Variants in TTLL5 observed in about 807,000 individuals in gnomAD.
TTLL5 encodes the protein tubulin polyglutamylase TTLL5.
Under a neutral mutation model 168.4 loss-of-function variants are expected in TTLL5, and 132 were observed. That is an observed-to-expected ratio of 0.78 (90% CI 0.68 to 0.91). TTLL5 has a LOEUF of 0.91. Ranked by LOEUF, TTLL5 falls within the 40% of genes least tolerant of loss-of-function variation. The pLI is 0.00. For missense variants in TTLL5, 1,545 were observed against 1,581.5 expected (o/e 0.98, Z 0.39); for synonymous variants, 546 against 558.6 (o/e 0.98, Z 0.32).
chr14:75,803,316 A>G (rs1893439668), intron 27 of TTLL5: 1 of 152,224 alleles, frequency 6.6e-6, no homozygotes, highest in African/African-American at 2.4e-5. Context: ...GGGACTCAGA[A>G]TTTACATTAG....
intron 6 of TTLL5, among the ~76,000 whole-genome samples, chr14:75,696,206 C>T (rs1478353737): frequency 6.6e-6 from 1 of 152,052 alleles, no homozygotes; most frequent in Non-Finnish European, 1.5e-5. Flanking sequence ...TGGTCGTTTC[C>T]TTAGACATTT....
chr14:75,754,212 T>G (rs969221855), intron 18 of TTLL5, among the ~76,000 whole-genome samples: 1 of 152,202 alleles, frequency 6.6e-6, no homozygotes, highest in Non-Finnish European at 1.5e-5. Flanking sequence ...AAGAACTATT[T>G]TTGCTTTTCG....
intron 27 of TTLL5, among the ~76,000 whole-genome samples, chr14:75,817,034 G>A (rs7150856): frequency 0.016 from 2,182 of 133,326 alleles, 73 homozygotes; most frequent in African/African-American, 0.057. Flanking sequence ...AGGCTGGAGT[G>A]CAGTGCGCTA....
chr14:75,827,531 A>C (rs1895249388), intron 28 of TTLL5, among the ~76,000 whole-genome samples: 1 of 152,192 alleles, frequency 6.6e-6, no homozygotes, highest in Middle Eastern at 3.4e-3. Flanking sequence ...TTGAAATGTC[A>C]CAACATATGG....
At chr14:75,950,917 A>G (rs1199343113) in intron 31 of TTLL5, among the ~76,000 whole-genome samples, 4 of 152,018 alleles carry the variant, frequency 2.6e-5, no homozygotes, top group Admixed American at 1.3e-4. Context: ...TCAGTAAGCT[A>G]TGATTATGCC....
At chr14:75,942,146 G>T (rs886363637) in intron 31 of TTLL5, among the ~76,000 whole-genome samples, 1 of 149,572 alleles carries the variant, frequency 6.7e-6, no homozygotes, top group African/African-American at 2.5e-5. Flanking sequence ...TCATGCCACT[G>T]CACTCCATCC....
At chr14:75,906,564 ATAC>A (rs2033155845) in intron 31 of TTLL5, 1 of 985,660 alleles carries the variant, frequency 1.0e-6, no homozygotes, top group Admixed American at 6.2e-5. Context: ...GGATCTTTGG[ATAC>A]TCCCCAAGTT....
chr14:75,689,965 C>A (rs1885329777), intron 5 of TTLL5: 1 of 430,352 alleles, frequency 2.3e-6, no homozygotes, highest in East Asian at 5.1e-5. Flanking sequence ...TTAAAAAGGG[C>A]AAATTTTACT....
chr14:75,798,293 C>T (rs1343090550), intron 27 of TTLL5, among the ~76,000 whole-genome samples: 1 of 151,960 alleles, frequency 6.6e-6, no homozygotes, highest in Non-Finnish European at 1.5e-5. Context: ...TGTACTATCT[C>T]TTGCTTCCCT....
intron 17 of TTLL5, among the ~76,000 whole-genome samples, chr14:75,752,038 G>A (rs983922617): frequency 1.3e-5 from 2 of 152,124 alleles, no homozygotes; most frequent in East Asian, 1.9e-4. Context: ...GTAAACTGTC[G>A]TGGTGCTGGT....
intron 5 of TTLL5, chr14:75,684,961 C>T (rs562521230): frequency 4.6e-5 from 7 of 152,234 alleles, no homozygotes; most frequent in African/African-American, 9.6e-5. Flanking sequence ...TCTGTACATA[C>T]GTTAACTTCA....
At chr14:75,705,855 G>GTT in intron 7 of TTLL5, among the ~76,000 whole-genome samples, 2 of 146,910 alleles carry the variant, frequency 1.4e-5, no homozygotes, top group African/African-American at 5.0e-5. Context: ...ACATGTGAAG[G>GTT]TTTTTTTTTT....
At chr14:75,860,236 C>G (rs1897331110) in intron 28 of TTLL5, among the ~76,000 whole-genome samples, 1 of 152,190 alleles carries the variant, frequency 6.6e-6, no homozygotes, top group Non-Finnish European at 1.5e-5. Flanking sequence ...CACAGACCCC[C>G]ACCTCATATT....
intron 17 of TTLL5, among the ~76,000 whole-genome samples, chr14:75,751,829 G>A (rs1198193332): frequency 6.6e-6 from 1 of 152,208 alleles, no homozygotes; most frequent in African/African-American, 2.4e-5. Flanking sequence ...ATAAGGTAAA[G>A]TGAAAGCAAG....
intron 12 of TTLL5, among the ~76,000 whole-genome samples, chr14:75,723,922 T>C (rs1230959510): frequency 6.6e-6 from 1 of 152,178 alleles, no homozygotes; most frequent in South Asian, 2.1e-4. Flanking sequence ...CCATCAGATA[T>C]GATTTTGTAT....
Position 75,766,302 on chromosome 14 carries a change from T to C in TTLL5, c.1949T>C (p.Leu650Pro), listed in dbSNP as rs1200300838. ...AATAAAGGTGGACACTGCTGCAAAC[T>C]TGAGACTCAGGAGCTAGAGCCTAAA... ...WNNKGGHCCK[L>P]ETQELEPKFN... Residue 650 changes from leucine (L) to proline (P), a missense_variant, in exon 20 of 32, where the codon CTT becomes CCT. Coordinates refer to ENST00000298832, the MANE Select transcript of TTLL5 (RefSeq NM_015072.5). 7 of 1,613,906 alleles carry C rather than the reference T, an allele frequency of 4.3e-6. No homozygotes were observed. Among genetic ancestry groups the C allele is most frequent in the Non-Finnish European group, 5.9e-6 (7 of 1,179,990 alleles).
intron 30 of TTLL5, among the ~76,000 whole-genome samples, chr14:75,893,831 A>G (rs2032523637): frequency 2.6e-5 from 2 of 77,128 alleles, no homozygotes; most frequent in African/African-American, 1.2e-4. Context: ...AAAAAAAAAA[A>G]AAAAAAAAAT....
At chr14:75,796,568 A>C (rs1893007477) in intron 27 of TTLL5, among the ~76,000 whole-genome samples, 1 of 152,168 alleles carries the variant, frequency 6.6e-6, no homozygotes, top group Non-Finnish European at 1.5e-5. Flanking sequence ...TCTTAGATTT[A>C]AGTCTTTCAT....
chr14:75,938,436 C>T (rs977137404), intron 31 of TTLL5, among the ~76,000 whole-genome samples: 3 of 152,172 alleles, frequency 2.0e-5, no homozygotes, highest in African/African-American at 4.8e-5. Context: ...AACTCGGAGT[C>T]CCAGGATGGG....
Sources: gnomAD v4.1 joint callset for allele counts (sites outside exome capture counted in the v4.1 genomes callset) on GRCh38, gnomAD v4.1.1 for gene constraint, MANE v1.5 for transcripts, NCBI Gene and HGNC (gene_info 2026-07-23, HGNC 2026-07-21) for gene names.